DHX33: variants seen among roughly 807,000 people sequenced by gnomAD.
The protein encoded by DHX33 is ATP-dependent RNA helicase DHX33.
Under a neutral mutation model 72.5 loss-of-function variants are expected in DHX33, and 42 were observed. The observed-to-expected ratio is 0.58, with a 90% confidence interval of 0.45 to 0.75. The LOEUF is 0.75. Ranked by LOEUF, DHX33 falls within the 30% of genes least tolerant of loss-of-function variation. The pLI is 0.00. For missense variants in DHX33, 842 were observed against 917.5 expected (o/e 0.92, Z 1.06); for synonymous variants, 358 against 366.1 (o/e 0.98, Z 0.25).
chr17:5,448,910 G>C lies in DHX33; in HGVS notation c.1729-15C>G, dbSNP rs1414446234. The stretch of plus-strand genomic sequence containing the variant: ...TTGCACCAATCCTGAATAGGAGAAA[G>C]AGTGATATCACAATCCACTCATTCA... On this transcript the variant is annotated splice_polypyrimidine_tract_variant and intron_variant, in intron 10 of 11. Transcript: ENST00000225296. The C allele has an allele frequency of 2.4e-5, 38 of 1,597,470 alleles. No homozygotes were observed. The highest frequency in any genetic ancestry group is 3.2e-5 in the Non-Finnish European group (37 of 1,165,826).
chr17:5,448,907 A>G lies in DHX33; in HGVS notation c.1729-12T>C, dbSNP rs1179088440. 16 of 1,601,006 alleles carry G rather than the reference A, an allele frequency of 1.0e-5. No homozygotes were observed. The highest frequency in any genetic ancestry group is 1.4e-5 in the Non-Finnish European group (16 of 1,168,912). On this transcript the variant is annotated splice_polypyrimidine_tract_variant and intron_variant, in intron 10 of 11. Coordinates refer to ENST00000225296, the MANE Select transcript of DHX33 (RefSeq NM_020162.4). ...TCTTTGCACCAATCCTGAATAGGAGAAAGAGTGATATCACAATCCACTCAT... is the reference window on the plus strand; with the variant it reads ...TCTTTGCACCAATCCTGAATAGGAGGAAGAGTGATATCACAATCCACTCAT...
At chr17:5,461,701 C>T (rs1904631748) in intron 3 of DHX33, among the ~76,000 whole-genome samples, 1 of 151,704 alleles carries the variant, frequency 6.6e-6, no homozygotes, top group African/African-American at 2.4e-5. Flanking sequence ...GCATGTGCCA[C>T]CATGCCTGGA....
In DHX33 at chr17:5,444,587, G is replaced by A. The variant is rs575118719; in HGVS notation, c.1816-74C>T. 1 of 1,490,652 alleles carries A rather than the reference G, an allele frequency of 6.7e-7. No individual in the cohort carries two copies. The highest frequency in any genetic ancestry group is 1.4e-5 in the African/African-American group (1 of 72,572). The allele number at this position is 1,490,652 out of a possible 1,614,324, so 92.3% of individuals were successfully genotyped here. On this transcript the variant is annotated intron_variant, in intron 11 of 11. Transcript: ENST00000225296. The surrounding 1 kb of genome is among the most constrained non-coding windows in gnomAD (Gnocchi z 4.9). ...TGGTCAGCACTACACAGCGTGTTGG[G>A]GCAACTGGACCCACTGGGGCAAAAG...
rs372323436 is a variant in DHX33, at chr17:5,462,467, C to T, written c.530G>A (p.Arg177His). 53 of 1,614,144 alleles carry T rather than the reference C, an allele frequency of 3.3e-5. No homozygotes were observed. Among genetic ancestry groups the T allele is most frequent in the Middle Eastern group, 1.6e-4 (1 of 6,062 alleles). ...IKFLTDGMLL[R>H]EAISDSLLRK... ...AAGCAAAGAGTCTGAAATTGCTTCA[C>T]GCAGAAGCATGCCATCTGTCAGAAA... Residue 177 changes from arginine (R) to histidine (H), a missense_variant, in exon 3 of 12, where the codon CGT (arginine) becomes CAT (histidine). Coordinates refer to ENST00000225296, the MANE Select transcript of DHX33 (RefSeq NM_020162.4).
intron 10 of DHX33, among the ~76,000 whole-genome samples, chr17:5,449,815 T>C (rs1168957221): frequency 6.6e-6 from 1 of 152,198 alleles, no homozygotes; most frequent in Non-Finnish European, 1.5e-5. Context: ...ATAATTATAG[T>C]GCTCATTTCT....
chr17:5,451,058 T>A, intron 8 of DHX33, 124 bp from the exon 9 acceptor site: 1 of 1,097,156 alleles, frequency 9.1e-7, no homozygotes, highest in East Asian at 2.5e-5. Context: ...TAACCGCCAC[T>A]GCCCCCTTGA....
At chr17:5,460,904 G>C (rs376098001) in intron 4 of DHX33, 35 bp downstream of exon 4, 2 of 1,588,316 alleles carry the variant, frequency 1.3e-6, no homozygotes, top group South Asian at 2.2e-5. Context: ...CAAGATAAAA[G>C]AGAACTTTTC....
Position 5,468,951 on chromosome 17 carries a change from C to T in DHX33, c.-92G>A. 1 of 1,269,704 alleles carries T rather than the reference C, an allele frequency of 7.9e-7. No homozygotes were observed. The highest frequency in any genetic ancestry group is 1.1e-6 in the Non-Finnish European group (1 of 921,964). 78.7% of individuals were successfully genotyped at this position (1,269,704 alleles called of 1,614,324 possible). A position where few individuals can be genotyped will look rare whatever the true frequency, so the allele number is the denominator to read the frequency against. ...ACAGGAGCACACCGCCCCTTCCTCG[C>T]CGCCACGTGCTGGCGGCTCCCGGCG... On this transcript the variant is annotated 5_prime_UTR_variant, in exon 1 of 12. Coordinates refer to ENST00000225296, the MANE Select transcript of DHX33 (RefSeq NM_020162.4).
At chr17:5,459,469 C>G (rs1055224753) in intron 4 of DHX33, among the ~76,000 whole-genome samples, 1 of 152,044 alleles carries the variant, frequency 6.6e-6, no homozygotes, top group Non-Finnish European at 1.5e-5. Flanking sequence ...GGATCTTGCT[C>G]TGTTTCCCGG....
chr17:5,453,224 C>G (rs772689132), intron 8 of DHX33, among the ~76,000 whole-genome samples: 5 of 152,148 alleles, frequency 3.3e-5, no homozygotes, highest in Non-Finnish European at 5.9e-5. Flanking sequence ...GCTGATAGTA[C>G]AGAATCTATC....
chr17:5,454,880 C>T (rs955631320), intron 6 of DHX33, among the ~76,000 whole-genome samples: 30 of 152,134 alleles, frequency 2.0e-4, no homozygotes, highest in African/African-American at 7.0e-4. Flanking sequence ...GCCTTAGAGC[C>T]GACTTCTGAT....
chr17:5,468,968 C>T lies in DHX33; in HGVS notation c.-109G>A. 4.7e-6 allele frequency: 3 copies of T among 640,268 alleles called. No homozygotes were observed. The highest frequency in any genetic ancestry group is 2.1e-5 in the South Asian group (1 of 48,650). 39.7% of individuals were successfully genotyped at this position (640,268 alleles called of 1,614,324 possible). ...CTTCCTCGCCGCCACGTGCTGGCGG[C>T]TCCCGGCGACCACCGATGACCTCAC... On this transcript the variant is annotated 5_prime_UTR_variant, in exon 1 of 12. Coordinates refer to ENST00000225296, the MANE Select transcript of DHX33 (RefSeq NM_020162.4).
intron 1 of DHX33, among the ~76,000 whole-genome samples, chr17:5,465,997 T>A (rs528536984): frequency 2.0e-5 from 3 of 152,152 alleles, no homozygotes; most frequent in African/African-American, 7.2e-5. Context: ...TGTGGCCAAG[T>A]TCCCCCGTCC....
In DHX33 at chr17:5,468,538, T is replaced by G. The variant is rs773065426; in HGVS notation, c.289+33A>C. On this transcript the variant is annotated intron_variant, in intron 1 of 11. Coordinates refer to ENST00000225296, the MANE Select transcript of DHX33 (RefSeq NM_020162.4). ...TGCTCTAGCTAAGCCACGGACGAAG[T>G]GCAAGGAAGAGCCCGCCGGCGCGGC... 238 of 1,595,310 alleles carry G rather than the reference T, an allele frequency of 1.5e-4. 1 individual carries two copies. The highest frequency in any genetic ancestry group is 4.4e-5 in the Non-Finnish European group (51 of 1,171,446).
chr17:5,460,560 G>A (rs1393487185), intron 4 of DHX33, among the ~76,000 whole-genome samples: 1 of 150,054 alleles, frequency 6.7e-6, no homozygotes, highest in Non-Finnish European at 1.5e-5. Flanking sequence ...AGGCTGGAGT[G>A]CAGTGGTGCA....
chr17:5,460,679 G>T (rs1904555164), intron 4 of DHX33, among the ~76,000 whole-genome samples: 1 of 151,914 alleles, frequency 6.6e-6, no homozygotes, highest in African/African-American at 2.4e-5. Flanking sequence ...GCTAATTTTT[G>T]TATTTTTAGT....
intron 4 of DHX33, 97 bp from the exon 5 acceptor site, chr17:5,456,279 T>C: frequency 7.7e-7 from 1 of 1,295,646 alleles, no homozygotes; most frequent in Non-Finnish European, 1.1e-6. Context: ...CAGAGTTATT[T>C]CTCTTAACTA....
Position 5,453,626 on chromosome 17 carries a change from T to C in DHX33, c.1350A>G (p.Lys450=), listed in dbSNP as rs1407879933. 5.6e-6 allele frequency: 9 copies of C among 1,614,222 alleles called. No homozygotes were observed. In the Middle Eastern group the frequency reaches 6.6e-4, roughly 118 times the overall value. ...AGTCAAAGGTGAGCACATTTGGGAC[T>C]TTCATTGCTAGAAGCTGAAGCATCA... ...ASVMLQLLAM[K]VPNVLTFDFM... The change falls in exon 8 of 12, where the codon AAA becomes AAG. Residue 450 remains lysine (K), a synonymous_variant. Coordinates refer to ENST00000225296, the MANE Select transcript of DHX33 (RefSeq NM_020162.4).
intron 11 of DHX33, among the ~76,000 whole-genome samples, chr17:5,447,077 G>A (rs1425802693): frequency 1.4e-4 from 21 of 152,166 alleles, no homozygotes; most frequent in Non-Finnish European, 2.6e-4. Flanking sequence ...GCAAACACAC[G>A]GACACTGTCT....
Sources: allele counts gnomAD v4.1 joint callset (sites outside exome capture counted in the v4.1 genomes callset), GRCh38; gene constraint gnomAD v4.1.1; non-coding constraint Gnocchi (gnomAD v3.1); transcripts MANE v1.5; gene names NCBI Gene and HGNC (gene_info 2026-07-23, HGNC 2026-07-21).